Variants in NRG3 observed in about 807,000 individuals in gnomAD.
NRG3 encodes pro-neuregulin-3, membrane-bound isoform.
A neutral mutation model predicts 66.9 loss-of-function variants in NRG3; 31 were observed. The observed-to-expected ratio is 0.46, with a 90% confidence interval of 0.35 to 0.63. The LOEUF (loss-of-function observed/expected upper bound fraction) is 0.63. Ranked by LOEUF, NRG3 falls within the 20% of genes least tolerant of loss-of-function variation. The pLI, the probability that NRG3 is intolerant of heterozygous loss-of-function variation, is 0.00. For missense variants in NRG3, 910 were observed against 878.9 expected, an observed-to-expected ratio of 1.04 and a Z score of -0.45; for synonymous variants, 393 against 359.4, an observed-to-expected ratio of 1.09 and a Z score of -1.06.
intron 4 of NRG3, among the ~76,000 whole-genome samples, chr10:82,880,804 A>C (rs1178976264): frequency 6.6e-6 from 1 of 152,210 alleles, no homozygotes; most frequent in Non-Finnish European, 1.5e-5. Flanking sequence ...GTATTGCATG[A>C]GGTGTATCTA....
intron 1 of NRG3, among the ~76,000 whole-genome samples, chr10:82,122,330 C>T (rs1269092291): frequency 6.6e-6 from 1 of 152,134 alleles, no homozygotes; most frequent in Non-Finnish European, 1.5e-5. Flanking sequence ...TTCCCCTTGG[C>T]ATTTGGTTTG....
intron 1 of NRG3, among the ~76,000 whole-genome samples, chr10:82,214,153 A>G (rs1361869380): frequency 6.6e-6 from 1 of 152,102 alleles, no homozygotes; most frequent in Admixed American, 6.6e-5. Flanking sequence ...GGCTGGTAGT[A>G]TGTCGTAGCC....
intron 3 of NRG3, among the ~76,000 whole-genome samples, chr10:82,847,914 T>C (rs2063380006): frequency 6.6e-6 from 1 of 152,208 alleles, no homozygotes; most frequent in Admixed American, 6.5e-5. Flanking sequence ...AGGCATTGAG[T>C]AAATATTTGC....
intron 4 of NRG3, among the ~76,000 whole-genome samples, chr10:82,939,937 A>C (rs767534091): frequency 1.3e-5 from 2 of 151,632 alleles, no homozygotes; most frequent in Non-Finnish European, 2.9e-5. Context: ...TTAGACATCC[A>C]GCTCAGAAGC....
chr10:82,652,228 G>T (rs576866738), intron 2 of NRG3, among the ~76,000 whole-genome samples: 8 of 152,282 alleles, frequency 5.3e-5, no homozygotes, highest in African/African-American at 1.4e-4. Flanking sequence ...CCATGAAGCC[G>T]CAGAGGCAGC....
At chr10:82,111,711 A>C (rs1264284282) in intron 1 of NRG3, among the ~76,000 whole-genome samples, 1 of 152,114 alleles carries the variant, frequency 6.6e-6, no homozygotes, top group Non-Finnish European at 1.5e-5. Context: ...GTCTCTATTA[A>C]ATTCTTTGAT....
At chr10:82,115,637 G>A (rs764867740) in intron 1 of NRG3, among the ~76,000 whole-genome samples, 7 of 152,058 alleles carry the variant, frequency 4.6e-5, no homozygotes, top group Non-Finnish European at 8.8e-5. Context: ...CATACACTCA[G>A]GCCTAAAAGA....
At chr10:81,921,088 G>A (rs1296219088) in intron 1 of NRG3, among the ~76,000 whole-genome samples, 1 of 152,010 alleles carries the variant, frequency 6.6e-6, no homozygotes, top group Non-Finnish European at 1.5e-5. Context: ...ATTGATTTAT[G>A]TGAAATGGGA....
intron 2 of NRG3, among the ~76,000 whole-genome samples, chr10:82,551,457 T>G (rs1455536073): frequency 1.3e-5 from 2 of 152,076 alleles, no homozygotes; most frequent in Non-Finnish European, 2.9e-5. Flanking sequence ...TACTATGAAA[T>G]GAGATTAAGT....
intron 2 of NRG3, among the ~76,000 whole-genome samples, chr10:82,390,614 T>C (rs2086295690): frequency 6.6e-6 from 1 of 152,188 alleles, no homozygotes; most frequent in Non-Finnish European, 1.5e-5. Flanking sequence ...GAATAAGGTG[T>C]ATGAACCACC....
At chr10:82,128,823 A>G (rs914635450) in intron 1 of NRG3, among the ~76,000 whole-genome samples, 2 of 152,042 alleles carry the variant, frequency 1.3e-5, no homozygotes, top group African/African-American at 4.8e-5. Flanking sequence ...TGAGTTTACA[A>G]TTAGGGACTG....
intron 1 of NRG3, among the ~76,000 whole-genome samples, chr10:82,140,174 T>C (rs966984222): frequency 1.3e-5 from 2 of 152,320 alleles, no homozygotes; most frequent in East Asian, 1.9e-4. Flanking sequence ...ATTTTTTCTA[T>C]GAAAATTCAA....
chr10:82,007,206 C>G (rs981492585), intron 1 of NRG3, among the ~76,000 whole-genome samples: 3 of 117,030 alleles, frequency 2.6e-5, no homozygotes, highest in Non-Finnish European at 3.7e-5. Context: ...TTTCTTTTTT[C>G]TTTTCTTTTT....
intron 1 of NRG3, among the ~76,000 whole-genome samples, chr10:82,300,449 T>G (rs1157089162): frequency 1.3e-5 from 2 of 152,144 alleles, no homozygotes; most frequent in Non-Finnish European, 2.9e-5. Flanking sequence ...TACCATGAAG[T>G]GAATACAGAA....
chr10:82,924,893 T>C (rs1564634849), intron 4 of NRG3, among the ~76,000 whole-genome samples: 2 of 152,034 alleles, frequency 1.3e-5, no homozygotes, highest in South Asian at 4.2e-4. Flanking sequence ...AGAGTAAAAG[T>C]CTCCTATAAT....
chr10:82,470,772 TG>T (rs1841178300), intron 2 of NRG3, among the ~76,000 whole-genome samples: 1 of 152,198 alleles, frequency 6.6e-6, no homozygotes, highest in South Asian at 2.1e-4. Context: ...TTTTGCCCAC[TG>T]TTGTTTCCAG....
intron 2 of NRG3, among the ~76,000 whole-genome samples, chr10:82,433,694 A>C (rs556618675): frequency 6.6e-6 from 1 of 152,280 alleles, no homozygotes; most frequent in South Asian, 2.1e-4. Flanking sequence ...AGCACCATTT[A>C]CTGAATAGGA....
intron 2 of NRG3, among the ~76,000 whole-genome samples, chr10:82,407,169 A>G (rs1590017300): frequency 6.6e-6 from 1 of 151,784 alleles, no homozygotes; most frequent in African/African-American, 2.4e-5. Flanking sequence ...GGGAGAGCAG[A>G]CCTAATAGAG....
chr10:82,365,886 G>A (rs760778293), intron 2 of NRG3, among the ~76,000 whole-genome samples: 1 of 152,186 alleles, frequency 6.6e-6, no homozygotes, highest in Non-Finnish European at 1.5e-5. Context: ...TTATTTTAAT[G>A]TTTTCTTCTG....
Sources: allele counts gnomAD v4.1 joint callset (sites outside exome capture counted in the v4.1 genomes callset), GRCh38; gene constraint gnomAD v4.1.1; transcripts MANE v1.5; gene names NCBI Gene and HGNC (gene_info 2026-07-23, HGNC 2026-07-21).